ANO2: variants seen among roughly 807,000 people sequenced by gnomAD.
ANO2 encodes anoctamin 2, also known as anoctamin-2.
A neutral mutation model predicts 124.2 loss-of-function variants in ANO2; 101 were observed. The observed-to-expected ratio is 0.81, with a 90% CI of 0.69 to 0.96. The LOEUF (loss-of-function observed/expected upper bound fraction) is 0.96, where lower values mean the gene tolerates loss of function less well. ANO2 is among the 40% of genes least tolerant of loss of function. The pLI is 0.00. For missense variants in ANO2, 1,293 were observed against 1,274.5 expected, an observed-to-expected ratio of 1.01 and a Z score of -0.22; for synonymous variants, 486 against 482.5, an observed-to-expected ratio of 1.01 and a Z score of -0.09.
intron 3 of ANO2, among the ~76,000 whole-genome samples, chr12:5,859,996 C>A (rs1363535804): frequency 5.9e-5 from 9 of 152,140 alleles, no homozygotes; most frequent in Non-Finnish European, 1.0e-4. Context: ...TACCCCGCTT[C>A]CTCTCTAAAG....
At chr12:5,889,608 A>G (rs924124665) in intron 3 of ANO2, among the ~76,000 whole-genome samples, 1 of 152,230 alleles carries the variant, frequency 6.6e-6, no homozygotes, top group African/African-American at 2.4e-5. Flanking sequence ...CCTTCCCCAG[A>G]CTGCCAGTCT....
chr12:5,712,932 C>T (rs1175589210), intron 14 of ANO2, among the ~76,000 whole-genome samples: 1 of 152,136 alleles, frequency 6.6e-6, no homozygotes, highest in Non-Finnish European at 1.5e-5. Flanking sequence ...AGGTGGGCCA[C>T]ATAGAGCCTT....
At chr12:5,749,145 G>A (rs978827076) in intron 11 of ANO2, among the ~76,000 whole-genome samples, 3 of 152,186 alleles carry the variant, frequency 2.0e-5, no homozygotes, top group Non-Finnish European at 4.4e-5. Flanking sequence ...AGGTGAGCCA[G>A]GAAGCAGGTT....
At chr12:5,859,132 T>C (rs753824130) in intron 3 of ANO2, among the ~76,000 whole-genome samples, 13 of 152,176 alleles carry the variant, frequency 8.5e-5, no homozygotes, top group Middle Eastern at 3.2e-3. Context: ...AAGTAATCAA[T>C]ATGACTGGAG....
intron 3 of ANO2, among the ~76,000 whole-genome samples, chr12:5,855,138 A>G (rs1955059307): frequency 6.6e-6 from 1 of 152,210 alleles, no homozygotes. Flanking sequence ...CACTGTGTTC[A>G]GAGAGAAGGA....
intron 11 of ANO2, among the ~76,000 whole-genome samples, chr12:5,750,108 T>C (rs1432750978): frequency 9.9e-5 from 15 of 152,042 alleles, no homozygotes. Flanking sequence ...GCTAAATTTT[T>C]TTTTTTTTTA....
At chr12:5,766,958 A>G (rs985528261) in intron 10 of ANO2, among the ~76,000 whole-genome samples, 1 of 152,230 alleles carries the variant, frequency 6.6e-6, no homozygotes, top group Non-Finnish European at 1.5e-5. Context: ...AGCACAGCCC[A>G]AGGCAGGATG....
chr12:5,822,226 G>C (rs1773218289), intron 7 of ANO2, among the ~76,000 whole-genome samples: 1 of 152,210 alleles, frequency 6.6e-6, no homozygotes, highest in Non-Finnish European at 1.5e-5. Flanking sequence ...CAATGGTTTG[G>C]TTGGATGGTC....
intron 13 of ANO2, among the ~76,000 whole-genome samples, chr12:5,734,865 G>A (rs1950789638): frequency 6.6e-6 from 1 of 152,136 alleles, no homozygotes; most frequent in Admixed American, 6.5e-5. Flanking sequence ...GACCAAGCTG[G>A]TCTTGAACTC....
intron 10 of ANO2, among the ~76,000 whole-genome samples, chr12:5,788,561 T>A (rs1952605079): frequency 6.7e-6 from 1 of 149,954 alleles, no homozygotes; most frequent in Non-Finnish European, 1.5e-5. Context: ...TTGTCTTTTG[T>A]TTTTGTTTTT....
chr12:5,939,816 G>A (rs1942822072), intron 1 of ANO2, among the ~76,000 whole-genome samples: 1 of 152,162 alleles, frequency 6.6e-6, no homozygotes, highest in African/African-American at 2.4e-5. Flanking sequence ...TGTAAGGGAG[G>A]CTAGGAAATA....
chr12:5,568,363 G>A (rs913975364), intron 23 of ANO2, among the ~76,000 whole-genome samples: 3 of 151,684 alleles, frequency 2.0e-5, no homozygotes, highest in African/African-American at 7.3e-5. Context: ...AGATGGTCTC[G>A]ATCTCCTGAC....
At chr12:5,711,994 T>C (rs778095630) in intron 14 of ANO2, among the ~76,000 whole-genome samples, 30 of 152,210 alleles carry the variant, frequency 2.0e-4, no homozygotes, top group Non-Finnish European at 3.7e-4. Context: ...AAGGACCTAC[T>C]AACGGCCCTT....
chr12:5,700,293 A>G (rs1949350324), intron 14 of ANO2, among the ~76,000 whole-genome samples: 1 of 152,210 alleles, frequency 6.6e-6, no homozygotes, highest in Non-Finnish European at 1.5e-5. Context: ...AATTCACTCA[A>G]AACTGCTCAA....
intron 3 of ANO2, among the ~76,000 whole-genome samples, chr12:5,861,488 G>A (rs1955268750): frequency 6.6e-6 from 1 of 152,158 alleles, no homozygotes. Flanking sequence ...ACAAGACAAC[G>A]TCCTCTCTCT....
chr12:5,612,853 G>A lies in ANO2; in HGVS notation c.1986+48C>T, dbSNP rs774176718. The A allele has an allele frequency of 5.6e-6, 9 of 1,611,264 alleles. No individual in the cohort carries two copies. In the East Asian group the frequency reaches 1.6e-4, roughly 28 times the overall value. Reference sequence around the variant, plus strand: ...GCCATGCTGTGCTGGAGATAAGAATGGGGCTGGGTTGGGGTGCCAGGCATG... The same window carrying A: ...GCCATGCTGTGCTGGAGATAAGAATAGGGCTGGGTTGGGGTGCCAGGCATG... On this transcript the variant is annotated intron_variant, in intron 18 of 24. Transcript: ENST00000682330.
At chr12:5,765,751 A>AC (rs1951872503) in intron 10 of ANO2, among the ~76,000 whole-genome samples, 1 of 152,254 alleles carries the variant, frequency 6.6e-6, no homozygotes, top group Non-Finnish European at 1.5e-5. Context: ...TGTTTATCAA[A>AC]CACCACTGTT....
intron 20 of ANO2, among the ~76,000 whole-genome samples, chr12:5,598,410 T>TAG (rs10623200): frequency 0.82 from 124,936 of 151,784 alleles, 51,829 homozygotes; most frequent in Admixed American, 0.9. Flanking sequence ...CAGGCTGGAG[T>TAG]AGTGACACAA....
At chr12:5,705,818 A>C (rs945240791) in intron 14 of ANO2, among the ~76,000 whole-genome samples, 7 of 152,108 alleles carry the variant, frequency 4.6e-5, no homozygotes, top group African/African-American at 1.7e-4. Context: ...AATCTCCTCT[A>C]CCCAGCTTCA....
Sources: allele counts gnomAD v4.1 joint callset (sites outside exome capture counted in the v4.1 genomes callset), GRCh38; gene constraint gnomAD v4.1.1; transcripts MANE v1.5; gene names NCBI Gene and HGNC (gene_info 2026-07-23, HGNC 2026-07-21).